The following WWOX variants were observed in gnomAD, a reference collection of about 807,000 sequenced individuals.
The protein encoded by WWOX is WW domain containing oxidoreductase, also known as WW domain-containing oxidoreductase.
In WWOX, 69 loss-of-function variants were observed where a neutral mutation model predicts 46.2. The ratio of observed to expected loss-of-function variants is 1.49; its 90% confidence interval spans 1.23 to 1.82. WWOX has a LOEUF of 1.82. Among genes scored for constraint, WWOX ranks in the 40% most tolerant of loss-of-function variants. The pLI, the probability that WWOX is intolerant of heterozygous loss-of-function variation, is 0.00. For synonymous variants in WWOX, 359 were observed against 202.6 expected (o/e 1.77, Z -6.56); for missense variants, 919 against 542.6 (o/e 1.69, Z -6.89).
intron 8 of WWOX, among the ~76,000 whole-genome samples, chr16:78,468,797 C>G (rs960651972): frequency 2.6e-5 from 4 of 152,192 alleles, no homozygotes; most frequent in Admixed American, 2.0e-4. Flanking sequence ...AATCTATATT[C>G]TGATTTCAGC....
At chr16:79,100,904 A>G (rs1391708458) in intron 8 of WWOX, among the ~76,000 whole-genome samples, 1 of 151,786 alleles carries the variant, frequency 6.6e-6, no homozygotes, top group African/African-American at 2.4e-5. Flanking sequence ...CTCCATTTGT[A>G]TGTTGCACCC....
At chr16:78,812,733 C>A (rs1413349003) in intron 8 of WWOX, among the ~76,000 whole-genome samples, 1 of 147,740 alleles carries the variant, frequency 6.8e-6, no homozygotes, top group Non-Finnish European at 1.5e-5. Context: ...CCTCCCACCC[C>A]CTAAAAAAAA....
chr16:78,164,250 A>G lies in WWOX; in HGVS notation c.477A>G (p.Ala159=). Residue 159 remains alanine (A), a synonymous_variant, in exon 5 of 9, where the codon GCA becomes GCG. Coordinates refer to ENST00000566780, the MANE Select transcript of WWOX (RefSeq NM_016373.4). The stretch of plus-strand genomic sequence containing the variant: ...TGATCTTGGCCTGCAGGAACATGGC[A>G]AGGGCGAGTGAAGCAGTGTCACGCA... ...AHVILACRNM[A]RASEAVSRIL... 2 of 1,614,122 alleles carry G rather than the reference A, an allele frequency of 1.2e-6. No individual in the cohort carries two copies. The highest frequency in any genetic ancestry group is 8.5e-7 in the Non-Finnish European group (1 of 1,180,000).
intron 5 of WWOX, among the ~76,000 whole-genome samples, chr16:78,382,342 C>T (rs907261793): frequency 2.6e-5 from 4 of 152,210 alleles, no homozygotes; most frequent in Admixed American, 6.5e-5. Flanking sequence ...CACCACATTG[C>T]CTTCCACATG....
chr16:78,977,622 A>C (rs574714616), intron 8 of WWOX, among the ~76,000 whole-genome samples: 2 of 152,282 alleles, frequency 1.3e-5, no homozygotes, highest in South Asian at 4.1e-4. Context: ...GAGAGGAGAT[A>C]GAAGAAGGAA....
At chr16:78,423,441 G>A (rs938809158) in intron 6 of WWOX, among the ~76,000 whole-genome samples, 3 of 152,080 alleles carry the variant, frequency 2.0e-5, no homozygotes, top group Non-Finnish European at 2.9e-5. Flanking sequence ...CAAACACCGT[G>A]GATAGCCTTG....
intron 8 of WWOX, among the ~76,000 whole-genome samples, chr16:78,990,614 C>G (rs745668565): frequency 2.0e-5 from 3 of 150,968 alleles, no homozygotes; most frequent in Non-Finnish European, 1.5e-5. Flanking sequence ...GATGGTAGAG[C>G]GAACAGGCCA....
At chr16:78,513,481 C>G (rs1482878367) in intron 8 of WWOX, among the ~76,000 whole-genome samples, 2 of 152,148 alleles carry the variant, frequency 1.3e-5, no homozygotes, top group African/African-American at 4.8e-5. Flanking sequence ...TTTGCTTTAG[C>G]TTTTCATGTA....
intron 8 of WWOX, among the ~76,000 whole-genome samples, chr16:78,839,861 A>G (rs2052091215): frequency 6.6e-6 from 1 of 152,190 alleles, no homozygotes; most frequent in Non-Finnish European, 1.5e-5. Flanking sequence ...TTTTGTTTCC[A>G]GTGACCTCCC....
At chr16:78,533,166 C>T (rs1277892261) in intron 8 of WWOX, among the ~76,000 whole-genome samples, 1 of 148,178 alleles carries the variant, frequency 6.7e-6, no homozygotes, top group African/African-American at 2.7e-5. Flanking sequence ...AAGGAAGCTC[C>T]TGAGGCTATC....
chr16:78,392,242 G>A (rs974409049), intron 6 of WWOX, among the ~76,000 whole-genome samples: 1 of 152,068 alleles, frequency 6.6e-6, no homozygotes, highest in South Asian at 2.1e-4. Flanking sequence ...ATCAGCAACA[G>A]CATTAGTCTC....
At chr16:78,308,848 C>T (rs144539354) in intron 5 of WWOX, among the ~76,000 whole-genome samples, 3 of 152,248 alleles carry the variant, frequency 2.0e-5, no homozygotes, top group African/African-American at 7.2e-5. Context: ...CACTTTTAAC[C>T]AATTGCCAAT....
intron 8 of WWOX, among the ~76,000 whole-genome samples, chr16:78,445,238 C>A (rs1349887729): frequency 1.3e-5 from 2 of 152,172 alleles, no homozygotes; most frequent in Non-Finnish European, 2.9e-5. Context: ...CATACCCCAT[C>A]TATTTCCACA....
chr16:78,728,206 G>A lies in WWOX; in HGVS notation c.1056+295454G>A, dbSNP rs142960134. Among the ~76,000 whole-genome samples, 218 of 151,142 alleles carry A rather than the reference G, an allele frequency of 1.4e-3. 1 individual carries two copies. The highest frequency in any genetic ancestry group is 4.8e-3 in the African/African-American group (197 of 41,250). The stretch of plus-strand genomic sequence containing the variant: ...CAGCCTCCTGAGTAGCTGTGACTAC[G>A]GACACATGCCACTACACCTAGTTGA... On this transcript the variant is annotated intron_variant, in intron 8 of 8. Transcript: ENST00000566780.
intron 8 of WWOX, among the ~76,000 whole-genome samples, chr16:78,653,511 C>A (rs1370558030): frequency 6.6e-6 from 1 of 152,172 alleles, no homozygotes; most frequent in Non-Finnish European, 1.5e-5. Context: ...ATGGAGGGTG[C>A]TTATGAGGAA....
At chr16:78,696,507 T>C (rs1312456562) in intron 8 of WWOX, among the ~76,000 whole-genome samples, 1 of 152,028 alleles carries the variant, frequency 6.6e-6, no homozygotes, top group African/African-American at 2.4e-5. Context: ...TAATACGTGG[T>C]AGGATACTCT....
At chr16:78,763,176 T>C (rs1470349523) in intron 8 of WWOX, among the ~76,000 whole-genome samples, 2 of 152,232 alleles carry the variant, frequency 1.3e-5, no homozygotes, top group Admixed American at 6.5e-5. Flanking sequence ...AGAAAACCAT[T>C]GTTCAAGCAG....
chr16:78,542,122 A>T (rs1464508474), intron 8 of WWOX, among the ~76,000 whole-genome samples: 1 of 151,510 alleles, frequency 6.6e-6, no homozygotes, highest in African/African-American at 2.4e-5. Flanking sequence ...TCTTGGAGAA[A>T]CCTCCCAAAT....
intron 8 of WWOX, among the ~76,000 whole-genome samples, chr16:78,611,180 T>A: frequency 6.6e-6 from 1 of 152,342 alleles, no homozygotes; most frequent in African/African-American, 2.4e-5. Context: ...GTTGAAATTT[T>A]GCCCTTGGAC....
Sources: gnomAD v4.1 joint callset for allele counts (sites outside exome capture counted in the v4.1 genomes callset) on GRCh38, gnomAD v4.1.1 for gene constraint, MANE v1.5 for transcripts, NCBI Gene and HGNC (gene_info 2026-07-23, HGNC 2026-07-21) for gene names.